CYP4X1: variants seen among roughly 807,000 people sequenced by gnomAD.
CYP4X1 encodes cytochrome P450 family 4 subfamily X member 1.
CYP4X1 carries 44 observed loss-of-function variants against 57.9 expected under a neutral mutation model. That is an observed-to-expected ratio of 0.76 (90% CI 0.60 to 0.98). The LOEUF (loss-of-function observed/expected upper bound fraction) is 0.98, where lower values mean the gene tolerates loss of function less well. CYP4X1 is among the 50% of genes least tolerant of loss of function. The pLI is 0.00. For missense variants in CYP4X1, 532 were observed against 623.9 expected, an observed-to-expected ratio of 0.85 and a Z score of 1.57; for synonymous variants, 227 against 228.6, an observed-to-expected ratio of 0.99 and a Z score of 0.06.
chr1:47,041,760 T>G (rs1644249054), intron 8 of CYP4X1, among the ~76,000 whole-genome samples: 1 of 152,126 alleles, frequency 6.6e-6, no homozygotes, highest in Admixed American at 6.6e-5. Flanking sequence ...GTTTCCTTTG[T>G]TGTGCAGAAG....
In CYP4X1 at chr1:47,050,133, A is replaced by G. The variant is rs1252222545; in HGVS notation, c.1489A>G (p.Asn497Asp). The stretch of plus-strand genomic sequence containing the variant: ...CAACCATTTTATCCTCAAGCCCAAG[A>G]ATGGGATGTATTTGCACCTGAAGAA... ...FPNHFILKPKNGMYLHLKKLS... is the reference protein window; with the variant it reads ...FPNHFILKPKDGMYLHLKKLS... The change falls in exon 12 of 12, where the codon AAT (asparagine) becomes GAT (aspartate). Residue 497 changes from asparagine to aspartate, a missense_variant. Asn to Asp is a conservative substitution (Grantham distance 23). Transcript: ENST00000371901. 3.1e-6 allele frequency: 5 copies of G among 1,613,970 alleles called. No individual in the cohort carries two copies. The highest frequency in any genetic ancestry group is 4.2e-6 in the Non-Finnish European group (5 of 1,179,982).
At chr1:47,054,664 T>G (rs2148519590), downstream of CYP4X1, among the ~76,000 whole-genome samples, 1 of 152,300 alleles carries the variant, frequency 6.6e-6, no homozygotes, top group South Asian at 2.1e-4. Flanking sequence ...CCTAGGTATT[T>G]TATTCTCTTT....
intron 3 of CYP4X1, 102 bp from the exon 4 acceptor site, chr1:47,033,139 C>A: frequency 1.5e-6 from 2 of 1,305,922 alleles, no homozygotes; most frequent in Non-Finnish European, 2.1e-6. Flanking sequence ...TGTTGCATGA[C>A]TGCCTGTGGG....
chr1:47,048,743 C>T (rs2148517095), intron 10 of CYP4X1, 114 bp downstream of exon 10: 1 of 1,001,678 alleles, frequency 1.0e-6, no homozygotes, highest in Non-Finnish European at 1.5e-6. Context: ...ACAAATTAAA[C>T]AAAAATAAAC....
At chr1:47,041,140 T>C (rs1252366574) in intron 8 of CYP4X1, among the ~76,000 whole-genome samples, 1 of 152,192 alleles carries the variant, frequency 6.6e-6, no homozygotes, top group African/African-American at 2.4e-5. Context: ...CTATGGCTAA[T>C]TGTTAGTCCA....
the CYP4X1 span, among the ~76,000 whole-genome samples, chr1:46,995,825 C>A: frequency 6.6e-6 from 1 of 152,246 alleles, no homozygotes; most frequent in Non-Finnish European, 1.5e-5. Flanking sequence ...GGCCATGCAA[C>A]AACGTACACC....
chr1:47,038,020 ATTGAT>A (rs1200418112), intron 6 of CYP4X1, among the ~76,000 whole-genome samples: 3 of 152,182 alleles, frequency 2.0e-5, no homozygotes, highest in Non-Finnish European at 4.4e-5. Flanking sequence ...CGTGTATTCC[ATTGAT>A]CTATCTACCA....
intron 1 of CYP4X1, among the ~76,000 whole-genome samples, chr1:47,024,823 G>A (rs1167508003): frequency 6.6e-6 from 1 of 152,216 alleles, no homozygotes; most frequent in Admixed American, 6.5e-5. Context: ...TTAAAGGATG[G>A]TTGGGTGGTG....
At chr1:47,010,439 C>A in the CYP4X1 span, among the ~76,000 whole-genome samples, 1 of 152,130 alleles carries the variant, frequency 6.6e-6, no homozygotes, top group Admixed American at 6.5e-5. Context: ...CTATGACAAA[C>A]CCACAGCCAA....
Position 47,049,427 on chromosome 1 carries a change from T to A in CYP4X1, c.1278T>A (p.Phe426Leu). ...NPAVWKNPKVFDPLRFSQENS... is the reference protein window; with the variant it reads ...NPAVWKNPKVLDPLRFSQENS... ...GGGTTGTCCTCTCATTTCAGGTCTT[T>A]GACCCCTTGAGGTTCTCTCAGGAGA... Residue 426 changes from phenylalanine (F) to leucine (L), a missense_variant, in exon 11 of 12, where the codon TTT (phenylalanine) becomes TTA (leucine). Phe to Leu is a conservative substitution (Grantham distance 22, BLOSUM62 0). Coordinates refer to ENST00000371901, the MANE Select transcript of CYP4X1 (RefSeq NM_178033.2). 1 of 1,614,008 alleles carries A rather than the reference T, an allele frequency of 6.2e-7. No individual in the cohort carries two copies. Among genetic ancestry groups the A allele is most frequent in the Non-Finnish European group, 8.5e-7 (1 of 1,179,886 alleles).
chr1:47,023,794 C>T lies in CYP4X1; in HGVS notation c.-24C>T, dbSNP rs373081037. 5.0e-6 allele frequency: 8 copies of T among 1,599,790 alleles called. No homozygotes were observed. Among genetic ancestry groups the T allele is most frequent in the East Asian group, 2.2e-5 (1 of 44,566 alleles). On this transcript the variant is annotated 5_prime_UTR_variant, in exon 1 of 12. Coordinates refer to ENST00000371901, the MANE Select transcript of CYP4X1 (RefSeq NM_178033.2). Reference sequence around the variant, plus strand: ...CCTCTCCCGCGCCCCAGGAAACCGCCGGCGTTCGGCGCTGCGCAGAGCCAT... The same window carrying T: ...CCTCTCCCGCGCCCCAGGAAACCGCTGGCGTTCGGCGCTGCGCAGAGCCAT...
At chr1:47,054,945 T>C (rs1644384237), downstream of CYP4X1, among the ~76,000 whole-genome samples, 1 of 152,184 alleles carries the variant, frequency 6.6e-6, no homozygotes, top group Non-Finnish European at 1.5e-5. Flanking sequence ...GGCCAGAACT[T>C]CCAACACTAT....
intron 1 of CYP4X1, among the ~76,000 whole-genome samples, chr1:47,025,555 T>G (rs1039843373): frequency 1.5e-4 from 23 of 152,334 alleles, no homozygotes; most frequent in African/African-American, 5.5e-4. Context: ...TGTATTATTT[T>G]TATTATGCAA....
the CYP4X1 span, among the ~76,000 whole-genome samples, chr1:47,012,519 G>A: frequency 6.6e-6 from 1 of 151,878 alleles, no homozygotes; most frequent in African/African-American, 2.4e-5. Context: ...TAACAAACCT[G>A]CACGTTGTGC....
the CYP4X1 span, among the ~76,000 whole-genome samples, chr1:46,975,919 T>C: frequency 3.9e-5 from 6 of 152,178 alleles, no homozygotes; most frequent in Non-Finnish European, 8.8e-5. Flanking sequence ...CTTTGAGCTC[T>C]GAGATTCTTT....
At chr1:46,984,129 G>A in the CYP4X1 span, among the ~76,000 whole-genome samples, 6 of 152,016 alleles carry the variant, frequency 3.9e-5, no homozygotes, top group Admixed American at 1.3e-4. Context: ...GGGGGAGGGC[G>A]GGGAGGGTGT....
intron 2 of CYP4X1, among the ~76,000 whole-genome samples, chr1:47,030,980 C>A (rs576634412): frequency 6.6e-6 from 1 of 152,308 alleles, no homozygotes; most frequent in African/African-American, 2.4e-5. Context: ...GCCAGCTAGT[C>A]ATGTTCACCT....
chr1:47,030,599 A>G (rs1644114731), intron 2 of CYP4X1, among the ~76,000 whole-genome samples: 1 of 152,136 alleles, frequency 6.6e-6, no homozygotes, highest in African/African-American at 2.4e-5. Context: ...TTTCCTCTCC[A>G]CATATTTCTC....
chr1:47,020,480 C>T, upstream of CYP4X1, among the ~76,000 whole-genome samples: 1 of 152,232 alleles, frequency 6.6e-6, no homozygotes, highest in East Asian at 1.9e-4. Flanking sequence ...ATTACTGGCT[C>T]CTTTGTCTGG....
Sources: gnomAD v4.1 joint callset for allele counts (sites outside exome capture counted in the v4.1 genomes callset) on GRCh38, gnomAD v4.1.1 for gene constraint, MANE v1.5 for transcripts, NCBI Gene and HGNC (gene_info 2026-07-23, HGNC 2026-07-21) for gene names.